RARB: variants seen among roughly 807,000 people sequenced by gnomAD.
The protein encoded by RARB is retinoic acid receptor beta.
In RARB, 17 loss-of-function variants were observed where a neutral mutation model predicts 51.9. That is an observed-to-expected ratio of 0.33 (90% CI 0.22 to 0.49). RARB has a LOEUF of 0.49. Ranked by LOEUF, RARB falls within the 20% of genes least tolerant of loss-of-function variation. The probability of loss-of-function intolerance (pLI) is 0.99; values close to 1 mark genes in which losing one functional copy is unlikely to be tolerated. For missense variants in RARB, 369 were observed against 550.8 expected (o/e 0.67, Z 3.30); for synonymous variants, 215 against 195.4 (o/e 1.10, Z -0.84).
chr3:25,095,685 AG>A (rs1407094902), intron 3 of RARB, among the ~76,000 whole-genome samples: 11 of 152,160 alleles, frequency 7.2e-5, no homozygotes, highest in Non-Finnish European at 1.5e-5. Context: ...TAAAAAGCTG[AG>A]GGAGGATTTT....
chr3:25,425,779 C>G (rs1244511498), upstream of RARB, among the ~76,000 whole-genome samples: 3 of 152,134 alleles, frequency 2.0e-5, no homozygotes, highest in Admixed American at 6.5e-5. Context: ...GAGGCTGATT[C>G]CATAGCTTAA....
At chr3:24,900,141 T>A (rs971772566) in intron 2 of RARB, among the ~76,000 whole-genome samples, 13 of 152,240 alleles carry the variant, frequency 8.5e-5, no homozygotes, top group African/African-American at 2.9e-4. Context: ...AATGTTTTTC[T>A]TATTAAGGAG....
chr3:25,405,840 A>G (rs904020849), intron 5 of RARB, among the ~76,000 whole-genome samples: 16 of 152,264 alleles, frequency 1.1e-4, no homozygotes, highest in African/African-American at 3.8e-4. Flanking sequence ...ATCTTGGTCA[A>G]GGGGTTTCAT....
intron 2 of RARB, among the ~76,000 whole-genome samples, chr3:24,983,022 C>G (rs1383245407): frequency 6.6e-6 from 1 of 152,136 alleles, no homozygotes; most frequent in African/African-American, 2.4e-5. Context: ...TATATATTGA[C>G]TTTTCCAAGA....
intron 5 of RARB, among the ~76,000 whole-genome samples, chr3:25,243,604 A>G (rs945824716): frequency 6.6e-5 from 10 of 152,218 alleles, no homozygotes; most frequent in Non-Finnish European, 1.3e-4. Context: ...TATATGATGG[A>G]TTACATTTAC....
At chr3:25,049,735 G>C (rs114216843) in intron 2 of RARB, among the ~76,000 whole-genome samples, 1 of 152,204 alleles carries the variant, frequency 6.6e-6, no homozygotes, top group South Asian at 2.1e-4. Flanking sequence ...ACATTTGTTT[G>C]AAGATACAAC....
chr3:25,442,818 G>A (rs553872243), intron 1 of RARB, among the ~76,000 whole-genome samples: 6 of 152,220 alleles, frequency 3.9e-5, no homozygotes, highest in South Asian at 2.1e-4. Flanking sequence ...CTCAGTGGGC[G>A]GGAATTACAT....
chr3:25,283,809 C>T (rs548020157), intron 5 of RARB, among the ~76,000 whole-genome samples: 4 of 152,264 alleles, frequency 2.6e-5, no homozygotes, highest in East Asian at 1.9e-4. Context: ...ACAGACATGT[C>T]GCTAAGCAAC....
chr3:25,190,562 TA>T (rs1397344913), intron 5 of RARB, among the ~76,000 whole-genome samples: 6 of 152,204 alleles, frequency 3.9e-5, no homozygotes, highest in Admixed American at 1.3e-4. Flanking sequence ...GCTGATCAAC[TA>T]AAAAATGCAT....
At chr3:25,383,317 C>T (rs141591207) in intron 5 of RARB, among the ~76,000 whole-genome samples, 7 of 152,338 alleles carry the variant, frequency 4.6e-5, no homozygotes, top group Admixed American at 6.5e-5. Flanking sequence ...CTGCACAAGA[C>T]GGTCTCTAGT....
intron 5 of RARB, among the ~76,000 whole-genome samples, chr3:25,327,226 T>C (rs577500305): frequency 6.6e-6 from 1 of 152,184 alleles, no homozygotes; most frequent in East Asian, 1.9e-4. Flanking sequence ...AGAAATTATT[T>C]TTTTTTAAAA....
At chr3:25,261,861 G>T (rs1179655354) in intron 5 of RARB, among the ~76,000 whole-genome samples, 1 of 151,940 alleles carries the variant, frequency 6.6e-6, no homozygotes, top group African/African-American at 2.4e-5. Context: ...CCAAAATTCG[G>T]TGCTTCCTTT....
chr3:25,073,497 G>T (rs1698811683), intron 3 of RARB, among the ~76,000 whole-genome samples: 1 of 152,192 alleles, frequency 6.6e-6, no homozygotes, highest in African/African-American at 2.4e-5. Flanking sequence ...GGGTTAAACA[G>T]TTAGTTAGGT....
intron 3 of RARB, among the ~76,000 whole-genome samples, chr3:25,540,725 G>T (rs972031604): frequency 1.3e-5 from 2 of 152,218 alleles, no homozygotes; most frequent in Non-Finnish European, 2.9e-5. Flanking sequence ...GATGGAGGAG[G>T]AGTGAGAGAG....
At chr3:25,024,391 C>A (rs565057014) in intron 2 of RARB, among the ~76,000 whole-genome samples, 52 of 152,212 alleles carry the variant, frequency 3.4e-4, no homozygotes, top group South Asian at 4.1e-4. Flanking sequence ...CATGGAGATA[C>A]AATTGTGTTG....
chr3:24,998,421 G>A (rs1697088237), intron 2 of RARB, among the ~76,000 whole-genome samples: 2 of 151,772 alleles, frequency 1.3e-5, no homozygotes, highest in African/African-American at 4.8e-5. Context: ...TGTGGTGTTT[G>A]GATTTTTTTG....
At chr3:25,392,017 G>T (rs185151736) in intron 5 of RARB, among the ~76,000 whole-genome samples, 3 of 152,028 alleles carry the variant, frequency 2.0e-5, no homozygotes, top group African/African-American at 4.8e-5. Flanking sequence ...AATTTTTATC[G>T]TTCCAGGTCT....
At chr3:25,274,495 G>A (rs1186156439) in intron 5 of RARB, among the ~76,000 whole-genome samples, 1 of 152,092 alleles carries the variant, frequency 6.6e-6, no homozygotes, top group Non-Finnish European at 1.5e-5. Flanking sequence ...TCTCCTACTC[G>A]GGACTGCTGA....
At chr3:25,510,540 T>A (rs943209108) in intron 3 of RARB, among the ~76,000 whole-genome samples, 1 of 151,608 alleles carries the variant, frequency 6.6e-6, no homozygotes, top group Non-Finnish European at 1.5e-5. Context: ...GCACAAGAAT[T>A]ACATGAACCC....
Sources: gnomAD v4.1 joint callset for allele counts (sites outside exome capture counted in the v4.1 genomes callset) on GRCh38, gnomAD v4.1.1 for gene constraint, MANE v1.5 for transcripts, NCBI Gene and HGNC (gene_info 2026-07-23, HGNC 2026-07-21) for gene names.